The following FBXL7 variants were observed in gnomAD, a reference collection of about 807,000 sequenced individuals.
FBXL7 encodes F-box and leucine rich repeat protein 7, also known as F-box/LRR-repeat protein 7.
A neutral mutation model predicts 38.3 loss-of-function variants in FBXL7; 12 were observed. That is an observed-to-expected ratio of 0.31 (90% CI 0.20 to 0.51). The LOEUF (loss-of-function observed/expected upper bound fraction) is 0.51. Ranked by LOEUF, FBXL7 falls within the 20% of genes least tolerant of loss-of-function variation. The pLI, the probability that FBXL7 is intolerant of heterozygous loss-of-function variation, is 0.98. For missense variants in FBXL7, 567 were observed against 676.4 expected (o/e 0.84, Z 1.79); for synonymous variants, 297 against 300.9 (o/e 0.99, Z 0.13).
intron 3 of FBXL7, among the ~76,000 whole-genome samples, chr5:15,935,761 T>C (rs1282005706): frequency 6.6e-6 from 1 of 152,218 alleles, no homozygotes; most frequent in Non-Finnish European, 1.5e-5. Context: ...ATATATTCAC[T>C]TCCCATAGCG....
At chr5:15,923,312 A>G (rs1741795535) in intron 2 of FBXL7, among the ~76,000 whole-genome samples, 1 of 152,186 alleles carries the variant, frequency 6.6e-6, no homozygotes, top group African/African-American at 2.4e-5. Flanking sequence ...CTGTGAACGA[A>G]ATATACTACT....
chr5:15,798,498 G>T (rs921463556), intron 2 of FBXL7, among the ~76,000 whole-genome samples: 3 of 152,148 alleles, frequency 2.0e-5, no homozygotes, highest in African/African-American at 7.2e-5. Context: ...CCCAAAAAAT[G>T]GAGCAGAAAT....
intron 2 of FBXL7, among the ~76,000 whole-genome samples, chr5:15,823,423 T>A (rs923275328): frequency 6.6e-6 from 1 of 152,208 alleles, no homozygotes; most frequent in African/African-American, 2.4e-5. Context: ...ATGTGTAATC[T>A]CACACATATT....
In FBXL7 at chr5:15,813,060, A is replaced by G. The variant is rs146395208; in HGVS notation, c.128-114830A>G. ...GATGATGGGGTTTTCTAAATATACA[A>G]TCATGTCATCTGCAAACAGAGATAA... On this transcript the variant is annotated intron_variant, in intron 2 of 3. Coordinates refer to ENST00000504595, the MANE Select transcript of FBXL7 (RefSeq NM_012304.5). Among the ~76,000 whole-genome samples the G allele has an allele frequency of 9.6e-3, 1,460 of 152,260 alleles. 29 individuals are homozygous for G. The highest frequency in any genetic ancestry group is 0.033 in the African/African-American group (1,381 of 41,544).
At chr5:15,862,977 T>G (rs2126810343) in intron 2 of FBXL7, among the ~76,000 whole-genome samples, 1 of 152,320 alleles carries the variant, frequency 6.6e-6, no homozygotes, top group South Asian at 2.1e-4. Flanking sequence ...AACATTTTAC[T>G]ACATGTGCAC....
intron 2 of FBXL7, among the ~76,000 whole-genome samples, chr5:15,720,410 A>G (rs1744161871): frequency 6.7e-6 from 1 of 148,552 alleles, no homozygotes; most frequent in Non-Finnish European, 1.5e-5. Context: ...TGACTGAGTA[A>G]ATTACTTGGC....
chr5:15,843,994 A>C (rs1328628630), intron 2 of FBXL7, among the ~76,000 whole-genome samples: 2 of 152,054 alleles, frequency 1.3e-5, no homozygotes, highest in African/African-American at 4.8e-5. Flanking sequence ...TCTCTAGAGA[A>C]GTGCCTTTTT....
chr5:15,560,840 A>C (rs561901905), intron 1 of FBXL7, among the ~76,000 whole-genome samples: 16 of 152,246 alleles, frequency 1.1e-4, no homozygotes, highest in South Asian at 2.1e-4. Context: ...TTACATATGT[A>C]TTATAATATT....
intron 2 of FBXL7, 130 bp downstream of exon 2, chr5:15,616,202 TGTTCAGGGTCTCCTAA>T (rs1284033481): frequency 1.8e-6 from 1 of 559,204 alleles, no homozygotes; most frequent in Non-Finnish European, 3.1e-6. Flanking sequence ...AAAATGAGGA[TGTTCAGGGTCTCCTAA>T]GTTTTGTTGT....
At position 15,512,037 on chromosome 5, in the gene FBXL7, G is replaced by A. The variant is rs566071924; in HGVS notation, c.37+11324G>A. ...TGCAAAACTCTGTTTGGGACATTAA[G>A]ACAAAGTTATTTTACTATTGGGAAG... On this transcript the variant is annotated intron_variant, in intron 1 of 3. Coordinates refer to ENST00000504595, the MANE Select transcript of FBXL7 (RefSeq NM_012304.5). Among the ~76,000 whole-genome samples, 637 of 152,304 alleles carry A rather than the reference G, an allele frequency of 4.2e-3. 3 individuals carry two copies. Among genetic ancestry groups the A allele is most frequent in the Middle Eastern group, 6.8e-3 (2 of 294 alleles).
chr5:15,664,621 G>A (rs1216486092), intron 2 of FBXL7, among the ~76,000 whole-genome samples: 5 of 151,546 alleles, frequency 3.3e-5, no homozygotes, highest in South Asian at 2.1e-4. Context: ...ACAAGCAGGC[G>A]CCACCATGCC....
rs140191825 is a variant in FBXL7 at position 15,668,685 on chromosome 5, C to G, written c.127+52613C>G. ...GAAAGAACTTGGATCTCCATTTGCC[C>G]TGGCCTGCTAACCTCCAGGCTTTTT... On this transcript the variant is annotated intron_variant, in intron 2 of 3. Coordinates refer to ENST00000504595, the MANE Select transcript of FBXL7 (RefSeq NM_012304.5). Among the ~76,000 whole-genome samples the G allele has an allele frequency of 2.5e-3, 378 of 152,218 alleles. 2 individuals are homozygous for G. The highest frequency in any genetic ancestry group is 8.8e-3 in the African/African-American group (365 of 41,522).
At chr5:15,687,650 C>G (rs948805156) in intron 2 of FBXL7, among the ~76,000 whole-genome samples, 9 of 152,182 alleles carry the variant, frequency 5.9e-5, no homozygotes, top group Admixed American at 5.9e-4. Context: ...GGAAGGGATG[C>G]TAATGACATG....
chr5:15,688,419 A>G (rs1743084477), intron 2 of FBXL7, among the ~76,000 whole-genome samples: 1 of 152,228 alleles, frequency 6.6e-6, no homozygotes, highest in Non-Finnish European at 1.5e-5. Flanking sequence ...ACATTTCTGG[A>G]TTTGGGAACT....
chr5:15,667,570 G>C (rs1326114132), intron 2 of FBXL7, among the ~76,000 whole-genome samples: 2 of 152,172 alleles, frequency 1.3e-5, no homozygotes, highest in Non-Finnish European at 2.9e-5. Context: ...TTCTGTGTAA[G>C]AAAGTTGGTG....
intron 2 of FBXL7, among the ~76,000 whole-genome samples, chr5:15,700,067 T>C (rs1339263060): frequency 6.6e-6 from 1 of 152,222 alleles, no homozygotes; most frequent in African/African-American, 2.4e-5. Context: ...CAATTGTCTT[T>C]ATAAAATTAA....
rs533285819 is a variant in FBXL7 at position 15,733,095 on chromosome 5, C to G, written c.127+117023C>G. ...GTATTAAAAATCATGTTTTTTGTTT[C>G]TTTCTTTCTTTTTTTCTTGAGACAG... On this transcript the variant is annotated intron_variant, in intron 2 of 3. Coordinates refer to ENST00000504595, the MANE Select transcript of FBXL7 (RefSeq NM_012304.5). Among the ~76,000 whole-genome samples, 210 of 142,314 alleles carry G rather than the reference C, an allele frequency of 1.5e-3. 1 individual carries two copies. The highest frequency in any genetic ancestry group is 2.6e-3 in the Non-Finnish European group (167 of 65,034). 93.4% of individuals were successfully genotyped at this position (142,314 alleles called of 152,430 possible).
At chr5:15,677,168 C>T (rs1239422179) in intron 2 of FBXL7, among the ~76,000 whole-genome samples, 1 of 152,194 alleles carries the variant, frequency 6.6e-6, no homozygotes, top group Non-Finnish European at 1.5e-5. Context: ...AATTTAATTC[C>T]TGTCTTCAAG....
intron 2 of FBXL7, among the ~76,000 whole-genome samples, chr5:15,742,608 T>C (rs1265934443): frequency 1.3e-5 from 2 of 152,286 alleles, no homozygotes; most frequent in Admixed American, 6.5e-5. Flanking sequence ...GTAATTTGCA[T>C]TGAACATATT....
Sources: gnomAD v4.1 joint callset for allele counts (sites outside exome capture counted in the v4.1 genomes callset) on GRCh38, gnomAD v4.1.1 for gene constraint, MANE v1.5 for transcripts, NCBI Gene and HGNC (gene_info 2026-07-23, HGNC 2026-07-21) for gene names.